The following DNAH11 variants were observed in gnomAD, a reference collection of about 807,000 sequenced individuals.
The protein encoded by DNAH11 is axonemal beta dynein heavy chain 11.
A neutral mutation model predicts 526.0 loss-of-function variants in DNAH11; 442 were observed. That is an observed-to-expected ratio of 0.84 (90% confidence interval 0.78 to 0.91). DNAH11 has a LOEUF of 0.91. Ranked by LOEUF, DNAH11 falls within the 40% of genes least tolerant of loss-of-function variation. The pLI is 0.00. For missense variants in DNAH11, 6,989 were observed against 5,448.7 expected (o/e 1.28, Z -8.90); for synonymous variants, 2,461 against 1,935.9 (o/e 1.27, Z -7.12).
In DNAH11 at chr7:21,810,678, G is replaced by C. The variant is rs574971326; in HGVS notation, c.10332+2629G>C. On this transcript the variant is annotated intron_variant, in intron 63 of 81. Coordinates refer to ENST00000409508, the MANE Select transcript of DNAH11 (RefSeq NM_001277115.2). ...AATCACAGTAATAAAGCTTTCATCA[G>C]AATACTCAAAGTCTAGGAGTAAAAA... Among the ~76,000 whole-genome samples the C allele has an allele frequency of 1.4e-3, 211 of 152,120 alleles. 4 individuals carry two copies. Among genetic ancestry groups the C allele is most frequent in the Non-Finnish European group, 9.7e-4 (66 of 68,016 alleles).
chr7:21,649,726 T>C (rs1787541871), intron 28 of DNAH11, among the ~76,000 whole-genome samples: 2 of 151,074 alleles, frequency 1.3e-5, no homozygotes, highest in African/African-American at 4.9e-5. Flanking sequence ...AGTGCAATAG[T>C]GCAATCTGGA....
intron 75 of DNAH11, among the ~76,000 whole-genome samples, chr7:21,882,552 T>C (rs570853872): frequency 6.6e-6 from 1 of 152,238 alleles, no homozygotes; most frequent in East Asian, 1.9e-4. Flanking sequence ...TCCCAGCACT[T>C]TGGGAGGCCA....
At chr7:21,814,178 A>T (rs1002629157) in intron 63 of DNAH11, among the ~76,000 whole-genome samples, 2 of 152,170 alleles carry the variant, frequency 1.3e-5, no homozygotes, top group African/African-American at 2.4e-5. Context: ...AAAGACTAAA[A>T]TTGGTACACC....
intron 54 of DNAH11, among the ~76,000 whole-genome samples, chr7:21,759,561 C>T (rs1786805061): frequency 6.6e-6 from 1 of 152,102 alleles, no homozygotes; most frequent in African/African-American, 2.4e-5. Flanking sequence ...CAGGTTTAGA[C>T]TTGATTATTC....
intron 62 of DNAH11, among the ~76,000 whole-genome samples, 193 bp downstream of exon 62, chr7:21,801,468 T>G (rs1788991644): frequency 6.6e-6 from 1 of 152,188 alleles, no homozygotes. Context: ...TAATTTATAG[T>G]CCTGAACTCA....
intron 30 of DNAH11, among the ~76,000 whole-genome samples, chr7:21,670,689 G>A (rs927689119): frequency 6.6e-6 from 1 of 152,196 alleles, no homozygotes; most frequent in Admixed American, 6.5e-5. Flanking sequence ...ATCAGATAGA[G>A]GAAAATCCTT....
Position 21,619,010 on chromosome 7 carries a change from T to C in DNAH11, c.4255-90T>C, listed in dbSNP as rs928881000. 2.6e-6 allele frequency: 4 copies of C among 1,531,052 alleles called. No individual in the cohort carries two copies. In the African/African-American group the frequency reaches 5.5e-5, roughly 21 times the overall value. The allele number at this position is 1,531,052 out of a possible 1,614,324, so 94.8% of individuals were successfully genotyped here. A position where few individuals can be genotyped will look rare whatever the true frequency, so the allele number is the denominator to read the frequency against. On this transcript the variant is annotated intron_variant, in intron 23 of 81. Coordinates refer to ENST00000409508, the MANE Select transcript of DNAH11 (RefSeq NM_001277115.2). ...TACTCAGCACCTGACTTGAGTATAT[T>C]TTAGTTAAGATTCATTTCACCAGCC...
intron 33 of DNAH11, 41 bp from the exon 34 acceptor site, chr7:21,687,341 C>A (rs780828361): frequency 6.3e-7 from 1 of 1,582,326 alleles, no homozygotes; most frequent in Non-Finnish European, 8.6e-7. Context: ...AGCGTAAAAA[C>A]CCCTTCTGTT....
At position 21,683,103 on chromosome 7, in the gene DNAH11, C is replaced by G. The variant is rs543725538; in HGVS notation, c.5461-681C>G. On this transcript the variant is annotated intron_variant, in intron 31 of 81. Coordinates refer to ENST00000409508, the MANE Select transcript of DNAH11 (RefSeq NM_001277115.2). ...TATTTTGTACTAAAAAATACTTTGT[C>G]TAATACCCAACCATCTAATATACGT... Among the ~76,000 whole-genome samples the G allele has an allele frequency of 2.0e-5, 3 of 152,246 alleles. No individual in the cohort carries two copies. In the East Asian group the frequency reaches 5.8e-4, roughly 29 times the overall value.
At chr7:21,733,122 C>G (rs958203302) in intron 45 of DNAH11, among the ~76,000 whole-genome samples, 1 of 152,220 alleles carries the variant, frequency 6.6e-6, no homozygotes, top group Non-Finnish European at 1.5e-5. Context: ...TGCAGTGACT[C>G]AAGCCTGTAA....
At chr7:21,636,799 T>C (rs890025767) in intron 26 of DNAH11, among the ~76,000 whole-genome samples, 1 of 152,174 alleles carries the variant, frequency 6.6e-6, no homozygotes, top group Non-Finnish European at 1.5e-5. Context: ...CATCAGGCCA[T>C]ATTTGTCCCA....
chr7:21,707,196 C>T (rs1209310723), intron 39 of DNAH11, among the ~76,000 whole-genome samples: 1 of 152,202 alleles, frequency 6.6e-6, no homozygotes, highest in Non-Finnish European at 1.5e-5. Flanking sequence ...AGACCAGCAT[C>T]ATTGGCATTA....
chr7:21,835,919 G>A (rs544705744), intron 65 of DNAH11, among the ~76,000 whole-genome samples: 1 of 149,024 alleles, frequency 6.7e-6, no homozygotes, highest in African/African-American at 2.4e-5. Flanking sequence ...TAAAGTTGTA[G>A]GATACAAAAT....
At position 21,543,508 on chromosome 7, in the gene DNAH11, A is replaced by G. The variant is rs372762132; in HGVS notation, c.263A>G (p.Gln88Arg). 11 of 1,609,072 alleles carry G rather than the reference A, an allele frequency of 6.8e-6. No homozygotes were observed. The highest frequency in any genetic ancestry group is 9.3e-6 in the Non-Finnish European group (11 of 1,177,766). The change falls in exon 1 of 82, where the codon CAG becomes CGG. Residue 88 changes from glutamine (Q) to arginine (R), a missense_variant. Physicochemically the swap from Gln to Arg is conservative, Grantham distance 43 (BLOSUM62 1). Transcript: ENST00000409508. ...SQYLESEDNR[Q>R]VLGEFLESTS... ...TATTTGGAAAGCGAGGACAACCGGC[A>G]GGTTCTTGGGGAGTTTCTGGAAAGC...
rs1368615388 is a variant in DNAH11 at position 21,868,976 on chromosome 7, C to T, written c.11952C>T (p.His3984=). The T allele has an allele frequency of 1.2e-6, 2 of 1,613,962 alleles. No homozygotes were observed. The highest frequency in any genetic ancestry group is 1.1e-5 in the South Asian group (1 of 91,062). Residue 3984 remains histidine (H), a synonymous_variant, in exon 73 of 82, where the codon CAC becomes CAT. Transcript: ENST00000409508. The part of the protein sequence containing the change: ...VALEKASKGG[H]WVILQNVHLV... ...TGGAGAAAGCTTCCAAAGGAGGACA[C>T]TGGGTCATCCTCCAAGTGAGTATTA... is the stretch of plus-strand genomic sequence containing the variant.
chr7:21,596,717 C>T (rs1045597092), intron 14 of DNAH11, among the ~76,000 whole-genome samples: 1 of 152,156 alleles, frequency 6.6e-6, no homozygotes, highest in African/African-American at 2.4e-5. Flanking sequence ...GCATTGTCAT[C>T]TCAGAGAAAA....
chr7:21,894,728 T>G lies in DNAH11; in HGVS notation c.12856T>G (p.Phe4286Val), dbSNP rs1401665976. The G allele has an allele frequency of 1.9e-6, 3 of 1,613,514 alleles. No individual in the cohort carries two copies. The part of the protein sequence containing the change: ...SNRSPYVLVC[F>V]QECERMNILI... ...TAGAAGCCCATATGTTCTTGTTTGCTTCCAAGAATGTGAGAGGATGAATAT... is the reference window on the plus strand; with the variant it reads ...TAGAAGCCCATATGTTCTTGTTTGCGTCCAAGAATGTGAGAGGATGAATAT... Residue 4286 changes from phenylalanine (F) to valine (V), a missense_variant, in exon 78 of 82, where the codon TTC (phenylalanine) becomes GTC (valine). Coordinates refer to ENST00000409508, the MANE Select transcript of DNAH11 (RefSeq NM_001277115.2).
In DNAH11 at chr7:21,594,098, A is replaced by ACACACT. The variant is rs534629301; in HGVS notation, c.2667+2522_2667+2523insACACTC. ...CACACACACACACACACACACACAC[A>ACACACT]CTCTGAAGCCATCATGAAGTAGCAC... On this transcript the variant is annotated intron_variant, in intron 14 of 81. Coordinates refer to ENST00000409508, the MANE Select transcript of DNAH11 (RefSeq NM_001277115.2). 8.0e-3 allele frequency among the ~76,000 whole-genome samples: 1,181 copies of ACACACT among 147,902 alleles called. 9 individuals carry two copies. Among genetic ancestry groups the ACACACT allele is most frequent in the Middle Eastern group, 0.014 (4 of 290 alleles).
At chr7:21,684,566 C>T (rs1010031690) in intron 32 of DNAH11, among the ~76,000 whole-genome samples, 1 of 152,106 alleles carries the variant, frequency 6.6e-6, no homozygotes, top group Admixed American at 6.5e-5. Context: ...TTGTGGAGAG[C>T]TTGAGCTGGG....
Sources: gnomAD v4.1 joint callset for allele counts (sites outside exome capture counted in the v4.1 genomes callset) on GRCh38, gnomAD v4.1.1 for gene constraint, MANE v1.5 for transcripts, NCBI Gene and HGNC (gene_info 2026-07-23, HGNC 2026-07-21) for gene names.